The following GRID1 variants were observed in gnomAD, a reference collection of about 807,000 sequenced individuals.
GRID1 encodes the protein glutamate ionotropic receptor delta type subunit 1.
GRID1 carries 28 observed loss-of-function variants against 98.0 expected under a neutral mutation model. The observed-to-expected ratio is 0.29, with a 90% CI of 0.21 to 0.39. GRID1 has a LOEUF of 0.39. Among genes scored for constraint, GRID1 ranks in the 10% least tolerant of loss-of-function variants. The pLI, the probability that GRID1 is intolerant of heterozygous loss-of-function variation, is 1.00. For synonymous variants in GRID1, 553 were observed against 538.5 expected (o/e 1.03, Z -0.37); for missense variants, 1,111 against 1,340.5 (o/e 0.83, Z 2.67).
chr10:85,624,280 C>T (rs1291794804), intron 13 of GRID1, among the ~76,000 whole-genome samples: 1 of 152,182 alleles, frequency 6.6e-6, no homozygotes, highest in Non-Finnish European at 1.5e-5. Context: ...GTTAAATTAC[C>T]TTTATCTGGC....
At position 85,916,458 on chromosome 10, in the gene GRID1, ACCAG is replaced by A. The variant is rs138145762; in HGVS notation, c.727-223_727-220del. Among the ~76,000 whole-genome samples, 7,722 of 152,244 alleles carry A rather than the reference ACCAG, an allele frequency of 0.051. 421 individuals carry two copies. The highest frequency in any genetic ancestry group is 0.18 in the East Asian group (954 of 5,160). ...CTGCTCTCCCTCCACGCACTCCTGC[ACCAG>A]CCCAGAGCAAGATTAGACGCTTGGG... On this transcript the variant is annotated intron_variant, in intron 4 of 15. Transcript: ENST00000327946. The surrounding 1 kb of genome is among the most constrained non-coding windows in gnomAD (Gnocchi z 4.0).
intron 2 of GRID1, among the ~76,000 whole-genome samples, chr10:86,354,259 G>C (rs375674721): frequency 6.6e-6 from 1 of 152,254 alleles, no homozygotes; most frequent in Non-Finnish European, 1.5e-5. Flanking sequence ...GCTCCAGGCA[G>C]CAAGGCCGGT....
intron 2 of GRID1, among the ~76,000 whole-genome samples, chr10:86,273,630 T>G (rs1462458564): frequency 6.6e-6 from 1 of 152,090 alleles, no homozygotes; most frequent in Non-Finnish European, 1.5e-5. Flanking sequence ...TAGTATCTCA[T>G]TGTGGTTTTG....
rs546141780 is a variant in GRID1 at position 85,960,964 on chromosome 10, G to C, written c.727-44725C>G. ...CTGGCCTTCACCCTGAGGACTCACA[G>C]AGAGAGGCTCGGTGGTAGAGTCGCA... On this transcript the variant is annotated intron_variant, in intron 4 of 15. Coordinates refer to ENST00000327946, the MANE Select transcript of GRID1 (RefSeq NM_017551.3). 5.9e-4 allele frequency among the ~76,000 whole-genome samples: 90 copies of C among 152,154 alleles called. No homozygotes were observed. The South Asian group carries it at 0.012, about 20-fold the overall frequency.
chr10:86,022,887 C>T (rs184636227), intron 4 of GRID1, among the ~76,000 whole-genome samples: 67 of 149,276 alleles, frequency 4.5e-4, no homozygotes, highest in Admixed American at 2.5e-3. Context: ...CACTGCACTC[C>T]AGCCTGGGTG....
At chr10:86,357,037 A>G (rs1019865746) in intron 2 of GRID1, among the ~76,000 whole-genome samples, 1 of 152,208 alleles carries the variant, frequency 6.6e-6, no homozygotes, top group Non-Finnish European at 1.5e-5. Context: ...CTGGCCCCCA[A>G]GAGAAACCTG....
chr10:85,752,836 GT>G (rs1293489937), intron 8 of GRID1, among the ~76,000 whole-genome samples: 5 of 152,006 alleles, frequency 3.3e-5, no homozygotes, highest in South Asian at 2.1e-4. Context: ...TAACTTTTAA[GT>G]TTTTTTCAAA....
chr10:86,201,578 G>T (rs1335424967), intron 3 of GRID1, among the ~76,000 whole-genome samples: 1 of 151,844 alleles, frequency 6.6e-6, no homozygotes, highest in East Asian at 1.9e-4. Context: ...GAAAAACAAC[G>T]AATGGGTACT....
At chr10:85,875,702 G>A (rs1282775063) in intron 5 of GRID1, among the ~76,000 whole-genome samples, 2 of 152,114 alleles carry the variant, frequency 1.3e-5, no homozygotes, top group Admixed American at 6.5e-5. Context: ...AAGTTAATCA[G>A]TATTTTTACT....
At chr10:85,694,568 A>G (rs1375598788) in intron 12 of GRID1, among the ~76,000 whole-genome samples, 4,260 of 37,914 alleles carry the variant, frequency 0.11, 234 homozygotes, top group South Asian at 0.22. Flanking sequence ...ATATATATAT[A>G]TATATATATA....
Position 86,071,445 on chromosome 10 carries a change from C to T in GRID1, c.726+67374G>A, listed in dbSNP as rs1377263852. Among the ~76,000 whole-genome samples the T allele has an allele frequency of 2.0e-5, 3 of 152,228 alleles. No individual in the cohort carries two copies. In the East Asian group the frequency reaches 5.8e-4, roughly 29 times the overall value. On this transcript the variant is annotated intron_variant, in intron 4 of 15. Coordinates refer to ENST00000327946, the MANE Select transcript of GRID1 (RefSeq NM_017551.3). ...GGTCCATCATCCACAAAACTGCGTCCACAATACTCTCACAGGTGCAACGTG... is the reference window on the plus strand; with the variant it reads ...GGTCCATCATCCACAAAACTGCGTCTACAATACTCTCACAGGTGCAACGTG...
chr10:85,735,331 C>T (rs55866946), intron 8 of GRID1, among the ~76,000 whole-genome samples: 4 of 152,152 alleles, frequency 2.6e-5, no homozygotes, highest in Non-Finnish European at 5.9e-5. Context: ...CTGCTCTACC[C>T]AAACCAGAAA....
At chr10:85,704,231 G>T (rs544573669) in intron 12 of GRID1, among the ~76,000 whole-genome samples, 1 of 152,028 alleles carries the variant, frequency 6.6e-6, no homozygotes, top group African/African-American at 2.4e-5. Flanking sequence ...CCCATCTCAC[G>T]TGCAAAGACA....
chr10:85,997,808 C>A (rs574458625), intron 4 of GRID1, among the ~76,000 whole-genome samples: 2 of 152,164 alleles, frequency 1.3e-5, no homozygotes, highest in East Asian at 3.9e-4. Context: ...AAACCAATTA[C>A]ATGTTGCCTA....
intron 4 of GRID1, among the ~76,000 whole-genome samples, chr10:86,132,549 TTAG>T (rs1844853997): frequency 6.6e-6 from 1 of 152,210 alleles, no homozygotes; most frequent in South Asian, 2.1e-4. Flanking sequence ...CTATAATTAA[TTAG>T]TAATTTAAAA....
chr10:85,756,221 G>A (rs953363895), intron 8 of GRID1, among the ~76,000 whole-genome samples: 6 of 152,154 alleles, frequency 3.9e-5, no homozygotes, highest in Non-Finnish European at 5.9e-5. Flanking sequence ...CCGTAAATTT[G>A]CAGTTTGAGC....
chr10:86,228,868 C>T (rs901002148), intron 2 of GRID1, among the ~76,000 whole-genome samples: 1 of 152,160 alleles, frequency 6.6e-6, no homozygotes, highest in Non-Finnish European at 1.5e-5. Context: ...CAGGAGGGAC[C>T]CCTAAGGGCA....
chr10:85,831,113 A>G (rs2131761675), intron 8 of GRID1, among the ~76,000 whole-genome samples: 1 of 144,852 alleles, frequency 6.9e-6, no homozygotes, highest in East Asian at 2.0e-4. Context: ...TACACCATGG[A>G]ATACTATGTA....
intron 12 of GRID1, among the ~76,000 whole-genome samples, chr10:85,708,344 C>A (rs1590199113): frequency 6.6e-6 from 1 of 150,896 alleles, no homozygotes. Flanking sequence ...GCGGAGCTTG[C>A]AGTGAGCCGA....
Sources: gnomAD v4.1 joint callset for allele counts (sites outside exome capture counted in the v4.1 genomes callset) on GRCh38, gnomAD v4.1.1 for gene constraint, Gnocchi (gnomAD v3.1) non-coding constraint, MANE v1.5 for transcripts, NCBI Gene and HGNC (gene_info 2026-07-23, HGNC 2026-07-21) for gene names.